The following STIM1 variants were observed in gnomAD, a reference collection of about 807,000 sequenced individuals.
The protein encoded by STIM1 is stromal interaction molecule 1.
In STIM1, 25 loss-of-function variants were observed where a neutral mutation model predicts 74.7. The observed-to-expected ratio is 0.33, with a 90% CI of 0.24 to 0.47. The LOEUF (loss-of-function observed/expected upper bound fraction) is 0.47, where lower values mean the gene tolerates loss of function less well. Ranked by LOEUF, STIM1 falls within the 20% of genes least tolerant of loss-of-function variation. STIM1 has a pLI of 1.00. For missense variants in STIM1, 728 were observed against 920.8 expected, an observed-to-expected ratio of 0.79 and a Z score of 2.71; for synonymous variants, 328 against 348.8, an observed-to-expected ratio of 0.94 and a Z score of 0.66.
intron 2 of STIM1, among the ~76,000 whole-genome samples, chr11:4,023,173 CAA>C (rs1398461207): frequency 6.6e-6 from 1 of 152,006 alleles, no homozygotes; most frequent in Non-Finnish European, 1.5e-5. Flanking sequence ...TACTGAAATA[CAA>C]AGAGTTAGCT....
intron 7 of STIM1, among the ~76,000 whole-genome samples, chr11:4,079,972 C>G (rs1320370247): frequency 6.6e-6 from 1 of 152,072 alleles, no homozygotes; most frequent in African/African-American, 2.4e-5. Flanking sequence ...AATCCTTACA[C>G]TTTGGGAGGC....
At chr11:3,891,005 T>A (rs1590532194) in intron 1 of STIM1, among the ~76,000 whole-genome samples, 1 of 152,344 alleles carries the variant, frequency 6.6e-6, no homozygotes, top group East Asian at 1.9e-4. Flanking sequence ...ACAGGAACTC[T>A]GAGCCACAGC....
chr11:3,906,777 A>G (rs1271335315), intron 1 of STIM1, among the ~76,000 whole-genome samples: 1 of 152,196 alleles, frequency 6.6e-6, no homozygotes, highest in African/African-American at 2.4e-5. Flanking sequence ...TAGGCATGTA[A>G]TGGATGCTCA....
chr11:4,016,861 T>G (rs892171397), intron 2 of STIM1, among the ~76,000 whole-genome samples: 1 of 152,200 alleles, frequency 6.6e-6, no homozygotes, highest in East Asian at 1.9e-4. Flanking sequence ...TCTGTGTGTG[T>G]GGGACCCGCC....
Position 3,856,265 on chromosome 11 carries a change from A to C in STIM1, c.-6A>C, listed in dbSNP as rs1377536427. On this transcript the variant is annotated 5_prime_UTR_variant, in exon 1 of 13. It removes the in-frame stop codon of an upstream open reading frame in the 5' UTR. Transcript: ENST00000526596. Reference sequence around the variant, plus strand: ...ATCAGACGCATGTTGACTGAGACCTAGAGTCATGGATGTATGCGTCCGTCT... The same window carrying C: ...ATCAGACGCATGTTGACTGAGACCTCGAGTCATGGATGTATGCGTCCGTCT... 1 of 1,614,074 alleles carries C rather than the reference A, an allele frequency of 6.2e-7. No homozygotes were observed. The highest frequency in any genetic ancestry group is 1.3e-5 in the African/African-American group (1 of 75,058).
At chr11:4,003,766 G>C (rs368511729) in intron 2 of STIM1, among the ~76,000 whole-genome samples, 2 of 152,124 alleles carry the variant, frequency 1.3e-5, no homozygotes, top group African/African-American at 4.8e-5. Context: ...AGAAATAAAG[G>C]GTATTCGATT....
intron 3 of STIM1, among the ~76,000 whole-genome samples, chr11:4,048,599 G>A (rs1394925582): frequency 1.3e-5 from 2 of 151,988 alleles, no homozygotes; most frequent in Admixed American, 6.5e-5. Flanking sequence ...GACCTTCACT[G>A]GGCTGGAACT....
chr11:4,038,934 A>G (rs2094125729), intron 3 of STIM1, among the ~76,000 whole-genome samples: 1 of 152,218 alleles, frequency 6.6e-6, no homozygotes, highest in Non-Finnish European at 1.5e-5. Context: ...GGAGAAATAA[A>G]GATACTGTTA....
At chr11:3,904,339 G>A (rs561069854) in intron 1 of STIM1, among the ~76,000 whole-genome samples, 136 of 152,198 alleles carry the variant, frequency 8.9e-4, no homozygotes, top group Admixed American at 2.6e-3. Flanking sequence ...ATTCTGGGCA[G>A]TGTGACTGTG....
chr11:3,882,329 C>G, intron 1 of STIM1, among the ~76,000 whole-genome samples: 1 of 151,948 alleles, frequency 6.6e-6, no homozygotes, highest in East Asian at 1.9e-4. Context: ...GAACTCCCGA[C>G]CTCAGGTGAT....
In STIM1 at chr11:3,974,018, G is replaced by A. The variant is rs957018043; in HGVS notation, c.270+6336G>A. The A allele has an allele frequency of 1.2e-5, 8 of 688,790 alleles. No homozygotes were observed. The Admixed American group carries it at 1.2e-4, about 10-fold the overall frequency. The allele number at this position is 688,790 out of a possible 1,614,324, so 42.7% of individuals were successfully genotyped here. A position where few individuals can be genotyped will look rare whatever the true frequency, so the allele number is the denominator to read the frequency against. On this transcript the variant is annotated intron_variant, in intron 2 of 12. Coordinates refer to ENST00000526596, the MANE Select transcript of STIM1 (RefSeq NM_001382567.1). ...TCTTCTGTCCACCTTATGTAGCCTTGCATTCACGGCTGCATCCACCTCCTC... is the reference window on the plus strand; with the variant it reads ...TCTTCTGTCCACCTTATGTAGCCTTACATTCACGGCTGCATCCACCTCCTC...
At chr11:3,976,651 A>C (rs912811975) in intron 2 of STIM1, among the ~76,000 whole-genome samples, 1 of 152,172 alleles carries the variant, frequency 6.6e-6, no homozygotes, top group African/African-American at 2.4e-5. Context: ...CAGGAAATCA[A>C]CTAGCATCTG....
At chr11:3,858,481 A>C (rs1228915574) in intron 1 of STIM1, among the ~76,000 whole-genome samples, 1 of 152,196 alleles carries the variant, frequency 6.6e-6, no homozygotes, top group Non-Finnish European at 1.5e-5. Flanking sequence ...TGAATGCCTA[A>C]GGTTTGTGGA....
chr11:4,030,501 G>C (rs561836452), intron 3 of STIM1, among the ~76,000 whole-genome samples: 1 of 152,176 alleles, frequency 6.6e-6, no homozygotes, highest in East Asian at 1.9e-4. Context: ...AACCTAATGA[G>C]AGATATGTTT....
At chr11:3,891,021 C>G (rs1371471291) in intron 1 of STIM1, among the ~76,000 whole-genome samples, 1 of 152,154 alleles carries the variant, frequency 6.6e-6, no homozygotes, top group African/African-American at 2.4e-5. Flanking sequence ...ACAGCGAAGT[C>G]CACCACTAAT....
chr11:4,045,453 ATT>A (rs568849786), intron 3 of STIM1, among the ~76,000 whole-genome samples: 7 of 143,006 alleles, frequency 4.9e-5, no homozygotes, highest in Admixed American at 1.4e-4. Context: ...TTCCATCAGC[ATT>A]TTTTTTTTTT....
At chr11:4,034,143 C>T (rs897318109) in intron 3 of STIM1, among the ~76,000 whole-genome samples, 2 of 151,906 alleles carry the variant, frequency 1.3e-5, no homozygotes, top group African/African-American at 2.4e-5. Context: ...GCAGGAGAAT[C>T]GCTTGAACCC....
At chr11:3,985,009 A>G (rs1474542491) in intron 2 of STIM1, among the ~76,000 whole-genome samples, 1 of 152,178 alleles carries the variant, frequency 6.6e-6, no homozygotes, top group Non-Finnish European at 1.5e-5. Flanking sequence ...CAAGGGTACC[A>G]GTTCCCAGAC....
intron 1 of STIM1, among the ~76,000 whole-genome samples, chr11:3,956,354 G>C (rs1391407394): frequency 6.6e-6 from 1 of 152,164 alleles, no homozygotes; most frequent in African/African-American, 2.4e-5. Flanking sequence ...GAGTGAAGGA[G>C]AGTGAGGTGT....
Sources: gnomAD v4.1 joint callset for allele counts (sites outside exome capture counted in the v4.1 genomes callset) on GRCh38, gnomAD v4.1.1 for gene constraint, MANE v1.5 for transcripts, NCBI Gene and HGNC (gene_info 2026-07-23, HGNC 2026-07-21) for gene names.